The following SLC9A9 variants were observed in gnomAD, a reference collection of about 807,000 sequenced individuals.
SLC9A9 encodes solute carrier family 9 member A9.
SLC9A9 carries 62 observed loss-of-function variants against 77.8 expected under a neutral mutation model. The observed-to-expected ratio is 0.80, with a 90% CI of 0.65 to 0.98. The LOEUF (loss-of-function observed/expected upper bound fraction) is 0.98, where lower values mean the gene tolerates loss of function less well. Ranked by LOEUF, SLC9A9 falls within the 50% of genes least tolerant of loss-of-function variation. The pLI is 0.00. For synonymous variants in SLC9A9, 320 were observed against 283.5 expected, an observed-to-expected ratio of 1.13 and a Z score of -1.29; for missense variants, 775 against 774.9, an observed-to-expected ratio of 1.00 and a Z score of 0.00.
At chr3:143,548,759 A>G (rs2036832495) in intron 9 of SLC9A9, among the ~76,000 whole-genome samples, 1 of 152,192 alleles carries the variant, frequency 6.6e-6, no homozygotes, top group Non-Finnish European at 1.5e-5. Context: ...TCATGGACAA[A>G]ACATATCTTA....
At chr3:143,847,517 C>T (rs1294119265) in intron 1 of SLC9A9, 1 of 152,636 alleles carries the variant, frequency 6.6e-6, no homozygotes, top group African/African-American at 2.4e-5. Context: ...TAACAAATAA[C>T]ACTAGCAATG....
chr3:143,469,190 T>C (rs955983013), intron 11 of SLC9A9, among the ~76,000 whole-genome samples: 4 of 151,746 alleles, frequency 2.6e-5, no homozygotes, highest in Admixed American at 6.6e-5. Context: ...AAAAAACAAA[T>C]ACTAGAACTT....
intron 13 of SLC9A9, among the ~76,000 whole-genome samples, chr3:143,373,041 G>T (rs2108491632): frequency 6.6e-6 from 1 of 151,756 alleles, no homozygotes; most frequent in South Asian, 2.1e-4. Flanking sequence ...ATGGAAAACA[G>T]TATGGAGATT....
intron 5 of SLC9A9, among the ~76,000 whole-genome samples, chr3:143,670,271 T>C (rs568403057): frequency 2.1e-4 from 32 of 152,216 alleles, no homozygotes; most frequent in Non-Finnish European, 3.7e-4. Context: ...AGTCTCCAGA[T>C]GTGGAATGTG....
At chr3:143,805,439 TTTATG>T (rs1409969371) in intron 2 of SLC9A9, among the ~76,000 whole-genome samples, 2 of 152,042 alleles carry the variant, frequency 1.3e-5, no homozygotes, top group Non-Finnish European at 2.9e-5. Context: ...TCAATACTAT[TTTATG>T]TTATTTTTCT....
At chr3:143,338,842 G>C (rs1217164998) in intron 14 of SLC9A9, among the ~76,000 whole-genome samples, 1 of 152,170 alleles carries the variant, frequency 6.6e-6, no homozygotes, top group Admixed American at 6.5e-5. Context: ...ACTTGCCCAA[G>C]TCACTCAGTT....
chr3:143,711,396 C>T (rs1934190465), intron 4 of SLC9A9, among the ~76,000 whole-genome samples: 1 of 151,836 alleles, frequency 6.6e-6, no homozygotes, highest in Non-Finnish European at 1.5e-5. Flanking sequence ...AAGGTTTACT[C>T]TTTTAAAAAA....
intron 13 of SLC9A9, among the ~76,000 whole-genome samples, chr3:143,366,245 C>CATT (rs1343069695): frequency 1.3e-5 from 2 of 152,210 alleles, no homozygotes; most frequent in African/African-American, 4.8e-5. Context: ...ATGCTAGTCA[C>CATT]ATTATCCAGC....
intron 11 of SLC9A9, among the ~76,000 whole-genome samples, chr3:143,476,170 A>G (rs1338991477): frequency 1.3e-5 from 2 of 152,118 alleles, no homozygotes; most frequent in Non-Finnish European, 2.9e-5. Context: ...GGATAATGCA[A>G]TCTTGCTACG....
intron 6 of SLC9A9, among the ~76,000 whole-genome samples, chr3:143,588,726 G>C (rs1576594729): frequency 6.6e-6 from 1 of 152,306 alleles, no homozygotes; most frequent in South Asian, 2.1e-4. Context: ...ATTTGAGATA[G>C]TCCTAAAGAT....
chr3:143,844,517 G>A (rs573692320), intron 1 of SLC9A9, among the ~76,000 whole-genome samples: 76 of 152,240 alleles, frequency 5.0e-4, no homozygotes, highest in African/African-American at 1.7e-3. Context: ...AATAGTGAGA[G>A]CAAGAACAGT....
intron 8 of SLC9A9, among the ~76,000 whole-genome samples, chr3:143,569,339 C>G (rs2037221362): frequency 6.6e-6 from 1 of 151,544 alleles, no homozygotes; most frequent in Non-Finnish European, 1.5e-5. Context: ...ATGGAAAGCC[C>G]AGAACATACA....
intron 4 of SLC9A9, among the ~76,000 whole-genome samples, chr3:143,751,925 GCATCCTC>G (rs971161727): frequency 6.6e-6 from 1 of 152,328 alleles, no homozygotes; most frequent in Admixed American, 6.5e-5. Context: ...AGGGCCTGGG[GCATCCTC>G]AGTGAGGCTG....
intron 11 of SLC9A9, among the ~76,000 whole-genome samples, chr3:143,472,589 T>G (rs142947477): frequency 1.2e-3 from 177 of 152,324 alleles, no homozygotes; most frequent in Admixed American, 2.0e-3. Flanking sequence ...CTGGGTTATA[T>G]TCCTAACACA....
intron 6 of SLC9A9, among the ~76,000 whole-genome samples, chr3:143,589,525 C>T (rs909348254): frequency 6.6e-6 from 1 of 152,058 alleles, no homozygotes; most frequent in African/African-American, 2.4e-5. Context: ...TAATAACATA[C>T]TGTACAGGTT....
intron 11 of SLC9A9, among the ~76,000 whole-genome samples, chr3:143,470,087 C>G (rs1016634069): frequency 6.6e-6 from 1 of 152,108 alleles, no homozygotes; most frequent in African/African-American, 2.4e-5. Flanking sequence ...AGGAAACAGT[C>G]GTACAATAGA....
chr3:143,341,930 C>T (rs1419014487), intron 14 of SLC9A9, among the ~76,000 whole-genome samples: 1 of 152,028 alleles, frequency 6.6e-6, no homozygotes, highest in East Asian at 1.9e-4. Flanking sequence ...ACACTGGTCC[C>T]TTACAAAGGA....
intron 12 of SLC9A9, among the ~76,000 whole-genome samples, chr3:143,442,195 A>G (rs1287118956): frequency 6.6e-6 from 1 of 152,224 alleles, no homozygotes; most frequent in African/African-American, 2.4e-5. Context: ...AGTATAAAGT[A>G]ACAATTTTAT....
chr3:143,449,916 A>C (rs2034959873), intron 12 of SLC9A9, among the ~76,000 whole-genome samples: 1 of 92,650 alleles, frequency 1.1e-5, no homozygotes, highest in Non-Finnish European at 1.9e-5. Flanking sequence ...ATATAATATT[A>C]CATAATATAT....
Sources: allele counts gnomAD v4.1 joint callset (sites outside exome capture counted in the v4.1 genomes callset), GRCh38; gene constraint gnomAD v4.1.1; transcripts MANE v1.5; gene names NCBI Gene and HGNC (gene_info 2026-07-23, HGNC 2026-07-21).